EPAS1: variants seen among roughly 807,000 people sequenced by gnomAD.
EPAS1 encodes endothelial PAS domain-containing protein 1.
A neutral mutation model predicts 87.9 loss-of-function variants in EPAS1; 23 were observed. The ratio of observed to expected loss-of-function variants is 0.26; its 90% CI spans 0.19 to 0.37. The LOEUF (loss-of-function observed/expected upper bound fraction) is 0.37, where lower values mean the gene tolerates loss of function less well. Ranked by LOEUF, EPAS1 falls within the 10% of genes least tolerant of loss-of-function variation. The pLI is 1.00. For missense variants in EPAS1, 1,138 were observed against 1,120.7 expected, an observed-to-expected ratio of 1.02 and a Z score of -0.22; for synonymous variants, 508 against 444.3, an observed-to-expected ratio of 1.14 and a Z score of -1.80.
Position 46,385,362 on chromosome 2 carries a change from T to G in EPAS1, c.*702T>G, listed in dbSNP as rs1684993369. 1 of 145,764 alleles carries G rather than the reference T, an allele frequency of 6.9e-6. No homozygotes were observed. Among genetic ancestry groups the G allele is most frequent in the Admixed American group, 6.6e-5 (1 of 15,076 alleles). 9.0% of individuals were successfully genotyped at this position (145,764 alleles called of 1,614,324 possible). Reference sequence around the variant, plus strand: ...TTTTATTATTATTCAAAAACATAACTGAGTTTTTTAAAAGAGGAGAAAATT... The same window carrying G: ...TTTTATTATTATTCAAAAACATAACGGAGTTTTTTAAAAGAGGAGAAAATT... On this transcript the variant is annotated 3_prime_UTR_variant, in exon 16 of 16. Transcript: ENST00000263734.
chr2:46,359,257 C>CAAAAAAAAAAAAAAAAAAAAA lies in EPAS1; in HGVS notation c.455-1377_455-1357dup, dbSNP rs57351888. 4.8e-4 allele frequency among the ~76,000 whole-genome samples: 12 copies of CAAAAAAAAAAAAAAAAAAAAA among 25,088 alleles called. 2 individuals are homozygous for CAAAAAAAAAAAAAAAAAAAAA. The highest frequency in any genetic ancestry group is 5.8e-4 in the Admixed American group (1 of 1,736). The allele number at this position is 25,088 out of a possible 152,430, so 16.5% of individuals were successfully genotyped here. A position where few individuals can be genotyped will look rare whatever the true frequency, so the allele number is the denominator to read the frequency against. Reference sequence around the variant, plus strand: ...CTGGCGACAGAGCAAGATTCTGTCTCAAAAAAAAAAAAAAAAAAAAAAAAG... The same window carrying CAAAAAAAAAAAAAAAAAAAAA: ...CTGGCGACAGAGCAAGATTCTGTCTCAAAAAAAAAAAAAAAAAAAAAAAAAAAAAAAAAAAAAAAAAAAAAG... On this transcript the variant is annotated intron_variant, in intron 4 of 15. Coordinates refer to ENST00000263734, the MANE Select transcript of EPAS1 (RefSeq NM_001430.5).
intron 1 of EPAS1, among the ~76,000 whole-genome samples, chr2:46,325,713 T>C (rs922720495): frequency 6.6e-6 from 1 of 152,208 alleles, no homozygotes; most frequent in Non-Finnish European, 1.5e-5. Context: ...ACATACACGC[T>C]CACTTCCAGG....
chr2:46,382,672 C>T, intron 15 of EPAS1, 74 bp downstream of exon 15: 1 of 1,576,852 alleles, frequency 6.3e-7, no homozygotes, highest in Non-Finnish European at 8.6e-7. Flanking sequence ...ACTTTTTTTC[C>T]AGCGTCTGCA....
chr2:46,297,952 G>C lies in EPAS1; in HGVS notation c.26+15G>C. ...GAGAAGAAAAGGTAAGCGGGCGTCC[G>C]GGCCGATCAGGGGGCCGGTCCGAGG... On this transcript the variant is annotated intron_variant, in intron 1 of 15. Coordinates refer to ENST00000263734, the MANE Select transcript of EPAS1 (RefSeq NM_001430.5). 1.2e-6 allele frequency: 2 copies of C among 1,611,670 alleles called. No individual in the cohort carries two copies. The highest frequency in any genetic ancestry group is 1.7e-6 in the Non-Finnish European group (2 of 1,179,018).
At chr2:46,382,683 C>T in intron 15 of EPAS1, 85 bp downstream of exon 15, 1 of 1,544,336 alleles carries the variant, frequency 6.5e-7, no homozygotes, top group Non-Finnish European at 8.8e-7. Context: ...AGCGTCTGCA[C>T]AGTGCCAGGC....
At position 46,382,480 on chromosome 2, in the gene EPAS1, G is replaced by A. The variant is rs751277588; in HGVS notation, c.2343G>A (p.Pro781=). The A allele has an allele frequency of 7.4e-6, 12 of 1,613,982 alleles. No homozygotes were observed. The highest frequency in any genetic ancestry group is 4.4e-5 in the South Asian group (4 of 91,086). ...TGGGCCATCCCCTGAGACATCTGCC[G>A]CTGCCACAGCCTCCATCTGCCATCA... ...RGLGHPLRHL[P]LPQPPSAISP... is the part of the protein sequence containing the mutation. The change falls in exon 15 of 16, where the codon CCG becomes CCA. Residue 781 remains proline (P), a synonymous_variant. Transcript: ENST00000263734.
intron 6 of EPAS1, among the ~76,000 whole-genome samples, chr2:46,362,870 C>G (rs184784740): frequency 6.6e-6 from 1 of 152,044 alleles, no homozygotes; most frequent in African/African-American, 2.4e-5. Flanking sequence ...GAAAGAAATG[C>G]TCTAACCTCA....
intron 1 of EPAS1, among the ~76,000 whole-genome samples, chr2:46,298,963 C>T (rs1036988689): frequency 6.6e-6 from 1 of 152,232 alleles, no homozygotes; most frequent in African/African-American, 2.4e-5. Flanking sequence ...CGCTTGGCCG[C>T]GGCTTGGCGA....
At chr2:46,348,262 T>C (rs1020007036) in intron 2 of EPAS1, among the ~76,000 whole-genome samples, 5 of 152,128 alleles carry the variant, frequency 3.3e-5, no homozygotes, top group Non-Finnish European at 7.4e-5. Context: ...ATATGCTCCA[T>C]AAATACTTTC....
In EPAS1 at chr2:46,347,910, G is replaced by T. The variant is rs1467352732; in HGVS notation, c.217+847G>T. On this transcript the variant is annotated intron_variant, in intron 2 of 15. Transcript: ENST00000263734. This position sits in a 1 kb window ranked among gnomAD's most constrained non-coding sequence, Gnocchi z 4.2. ...GTTGTGCTCCTCCCCACCTGGTCTG[G>T]TGCCACAGGTGGGGACAGTGTCTGA... Among the ~76,000 whole-genome samples the T allele has an allele frequency of 6.6e-6, 1 of 152,194 alleles. No homozygotes were observed. Among genetic ancestry groups the T allele is most frequent in the Non-Finnish European group, 1.5e-5 (1 of 68,034 alleles).
At chr2:46,363,245 G>C (rs1530632) in intron 6 of EPAS1, among the ~76,000 whole-genome samples, 54,963 of 151,946 alleles carry the variant, frequency 0.36, 10,600 homozygotes, top group East Asian at 0.77. Flanking sequence ...TCAAGCCGAC[G>C]TAGCCATATA....
In EPAS1 at chr2:46,381,578, C is replaced by A; in HGVS notation, c.2046-18C>A. The A allele has an allele frequency of 6.2e-7, 1 of 1,613,960 alleles. No individual in the cohort carries two copies. Among genetic ancestry groups the A allele is most frequent in the Non-Finnish European group, 8.5e-7 (1 of 1,180,024 alleles). On this transcript the variant is annotated intron_variant, in intron 12 of 15. Transcript: ENST00000263734. Reference sequence around the variant, plus strand: ...TGGCTCCAGACTCCCTCATAGCCTGCTCTCTCGGGCTTGGCAGGTCTGCAA... The same window carrying A: ...TGGCTCCAGACTCCCTCATAGCCTGATCTCTCGGGCTTGGCAGGTCTGCAA...
At chr2:46,320,571 A>G (rs905382650) in intron 1 of EPAS1, among the ~76,000 whole-genome samples, 2 of 152,208 alleles carry the variant, frequency 1.3e-5, no homozygotes, top group Non-Finnish European at 2.9e-5. Context: ...GAGAATAGGG[A>G]TTTTGAAGCC....
intron 1 of EPAS1, among the ~76,000 whole-genome samples, chr2:46,312,712 A>G (rs898650911): frequency 2.0e-5 from 3 of 152,192 alleles, no homozygotes; most frequent in African/African-American, 7.2e-5. Context: ...AGTTTTTACT[A>G]ATAATGATTT....
At chr2:46,349,462 C>T (rs1461682263) in intron 2 of EPAS1, among the ~76,000 whole-genome samples, 1 of 152,216 alleles carries the variant, frequency 6.6e-6, no homozygotes, top group Non-Finnish European at 1.5e-5. Flanking sequence ...AGTGGGACAT[C>T]CCATATCTAT....
intron 6 of EPAS1, among the ~76,000 whole-genome samples, chr2:46,368,288 T>A (rs1416756232): frequency 6.6e-6 from 1 of 152,106 alleles, no homozygotes; most frequent in Non-Finnish European, 1.5e-5. Flanking sequence ...GTGTCAGGGC[T>A]TGGAGAAGAG....
intron 2 of EPAS1, among the ~76,000 whole-genome samples, chr2:46,354,042 C>A (rs892240599): frequency 2.6e-5 from 4 of 152,258 alleles, no homozygotes; most frequent in African/African-American, 9.6e-5. Context: ...TCCCCTTTGC[C>A]TTCACTGAAG....
chr2:46,378,075 C>G lies in EPAS1; in HGVS notation c.1431C>G (p.Ser477Arg). ...STTPSATSSSSSCSTPNSPED... is the reference protein window; with the variant it reads ...STTPSATSSSRSCSTPNSPED... ...CCCCCAGTGCCACCAGCAGCAGCAG[C>G]AGCTGCTCCACGGTGAGCAGCCCTC... Residue 477 changes from serine (S) to arginine (R), a missense_variant, in exon 10 of 16, where the codon AGC becomes AGG. Ser to Arg is a moderately radical substitution (Grantham distance 110). This residue lies in a region of EPAS1 where 284 missense variants were observed against 258.4 expected (regional missense o/e 1.10). Coordinates refer to ENST00000263734, the MANE Select transcript of EPAS1 (RefSeq NM_001430.5). 1.9e-6 allele frequency: 3 copies of G among 1,603,230 alleles called. No homozygotes were observed. The highest frequency in any genetic ancestry group is 2.6e-6 in the Non-Finnish European group (3 of 1,176,148).
At chr2:46,373,356 A>G (rs1479697160) in intron 7 of EPAS1, among the ~76,000 whole-genome samples, 1 of 152,218 alleles carries the variant, frequency 6.6e-6, no homozygotes, top group African/African-American at 2.4e-5. Context: ...ATTCATAATA[A>G]TCAAAAACTG....
Sources: allele counts gnomAD v4.1 joint callset (sites outside exome capture counted in the v4.1 genomes callset), GRCh38; gene constraint gnomAD v4.1.1; regional missense constraint gnomAD v4.1.1; non-coding constraint Gnocchi (gnomAD v3.1); transcripts MANE v1.5; gene names NCBI Gene and HGNC (gene_info 2026-07-23, HGNC 2026-07-21).